Variants in TAFA1 observed in about 807,000 individuals in gnomAD.
The protein encoded by TAFA1 is TAFA chemokine like family member 1.
TAFA1 carries 4 observed loss-of-function variants against 18.5 expected under a neutral mutation model. The observed-to-expected ratio is 0.22, with a 90% CI of 0.11 to 0.49. The LOEUF (loss-of-function observed/expected upper bound fraction) is 0.49. Among genes scored for constraint, TAFA1 ranks in the 20% least tolerant of loss-of-function variants. TAFA1 has a pLI of 0.98. For synonymous variants in TAFA1, 56 were observed against 55.2 expected, an observed-to-expected ratio of 1.01 and a Z score of -0.06; for missense variants, 147 against 169.0, an observed-to-expected ratio of 0.87 and a Z score of 0.72.
chr3:68,456,726 A>T (rs1290262249), intron 3 of TAFA1, among the ~76,000 whole-genome samples: 1 of 152,186 alleles, frequency 6.6e-6, no homozygotes, highest in Non-Finnish European at 1.5e-5. Flanking sequence ...GGTATCTTGC[A>T]AAAAATGCAA....
chr3:68,293,022 G>A (rs889098019), intron 2 of TAFA1, among the ~76,000 whole-genome samples: 1 of 145,504 alleles, frequency 6.9e-6, no homozygotes, highest in African/African-American at 2.6e-5. Context: ...TTTTTAGACT[G>A]TTAGTATAAA....
intron 2 of TAFA1, among the ~76,000 whole-genome samples, chr3:68,417,039 A>G (rs1459037747): frequency 6.6e-6 from 1 of 152,134 alleles, no homozygotes; most frequent in Non-Finnish European, 1.5e-5. Flanking sequence ...GTCAATACCT[A>G]CAGGCCAGAA....
At chr3:68,535,107 G>A (rs2073255808) in intron 3 of TAFA1, among the ~76,000 whole-genome samples, 1 of 152,162 alleles carries the variant, frequency 6.6e-6, no homozygotes, top group Non-Finnish European at 1.5e-5. Context: ...AGAAATGGTA[G>A]TAAATGTAAC....
At chr3:68,070,141 G>A (rs2106746172) in intron 2 of TAFA1, among the ~76,000 whole-genome samples, 1 of 152,322 alleles carries the variant, frequency 6.6e-6, no homozygotes, top group East Asian at 1.9e-4. Context: ...CACTGCATTA[G>A]CAGAGGTTTT....
intron 2 of TAFA1, among the ~76,000 whole-genome samples, chr3:68,123,918 A>C (rs1028788610): frequency 8.7e-5 from 9 of 103,432 alleles, no homozygotes; most frequent in African/African-American, 3.4e-4. Flanking sequence ...AAAAAAAAAA[A>C]AGCTTTCTTT....
At chr3:68,234,826 A>G (rs1027716062) in intron 2 of TAFA1, among the ~76,000 whole-genome samples, 10 of 152,224 alleles carry the variant, frequency 6.6e-5, no homozygotes, top group Non-Finnish European at 1.3e-4. Flanking sequence ...TGAAAATCAC[A>G]TAAAGGCAAA....
At chr3:68,049,826 C>T (rs115639536) in intron 2 of TAFA1, among the ~76,000 whole-genome samples, 1,718 of 151,984 alleles carry the variant, frequency 0.011, 40 homozygotes, top group African/African-American at 0.039. Context: ...ATTTTTTTTC[C>T]ACCCTCAAAT....
At chr3:68,505,258 A>G (rs1035361368) in intron 3 of TAFA1, among the ~76,000 whole-genome samples, 1 of 152,186 alleles carries the variant, frequency 6.6e-6, no homozygotes, top group African/African-American at 2.4e-5. Context: ...GGGAATAGTC[A>G]CATATGATGC....
intron 2 of TAFA1, among the ~76,000 whole-genome samples, chr3:68,404,103 T>C (rs1308608284): frequency 6.6e-6 from 1 of 152,176 alleles, no homozygotes; most frequent in Non-Finnish European, 1.5e-5. Context: ...ATGATGAAAG[T>C]ATTATAGTAC....
intron 2 of TAFA1, among the ~76,000 whole-genome samples, chr3:68,340,448 T>C (rs1707140747): frequency 2.0e-5 from 3 of 152,228 alleles, no homozygotes; most frequent in Admixed American, 6.5e-5. Context: ...AGAAGGCATT[T>C]GAATGGTAGA....
At chr3:68,310,342 TA>T (rs774126931) in intron 2 of TAFA1, among the ~76,000 whole-genome samples, 8 of 152,168 alleles carry the variant, frequency 5.3e-5, no homozygotes, top group Non-Finnish European at 8.8e-5. Context: ...AAGTATACCC[TA>T]AATATTTTTA....
intron 2 of TAFA1, among the ~76,000 whole-genome samples, chr3:68,041,100 A>G (rs1231658994): frequency 1.3e-5 from 2 of 152,236 alleles, no homozygotes; most frequent in Admixed American, 1.3e-4. Context: ...TGCAATTAAT[A>G]TGGCTAATAA....
intron 2 of TAFA1, among the ~76,000 whole-genome samples, chr3:68,327,047 T>C (rs1037318731): frequency 6.6e-6 from 1 of 152,164 alleles, no homozygotes; most frequent in African/African-American, 2.4e-5. Context: ...CCTGTGCTAT[T>C]CTAGTGATAG....
At chr3:68,155,676 T>G (rs1168338814) in intron 2 of TAFA1, among the ~76,000 whole-genome samples, 1 of 152,052 alleles carries the variant, frequency 6.6e-6, no homozygotes, top group Non-Finnish European at 1.5e-5. Flanking sequence ...AATTAACAAA[T>G]CATTCCATCC....
At chr3:68,445,073 G>A (rs1429890364) in intron 3 of TAFA1, among the ~76,000 whole-genome samples, 1 of 151,898 alleles carries the variant, frequency 6.6e-6, no homozygotes, top group Non-Finnish European at 1.5e-5. Context: ...TTCAGTTTTT[G>A]TTATAACCCA....
In TAFA1 at chr3:68,544,662, C is replaced by T. The variant is rs2073428181; in HGVS notation, c.*159C>T. The T allele has an allele frequency of 1.5e-6, 1 of 673,778 alleles. No individual in the cohort carries two copies. Among genetic ancestry groups the T allele is most frequent in the East Asian group, 2.9e-5 (1 of 34,372 alleles). The allele number at this position is 673,778 out of a possible 1,614,324, so 41.7% of individuals were successfully genotyped here. A position where few individuals can be genotyped will look rare whatever the true frequency, so the allele number is the denominator to read the frequency against. ...GCGTTTACTGTGTGTAACGAAATAT[C>T]CTACAGTGAGAAGACACAGCGTTTT... On this transcript the variant is annotated 3_prime_UTR_variant, in exon 5 of 5. Transcript: ENST00000478136.
At chr3:68,265,241 T>G (rs530898525) in intron 2 of TAFA1, among the ~76,000 whole-genome samples, 1 of 152,332 alleles carries the variant, frequency 6.6e-6, no homozygotes, top group African/African-American at 2.4e-5. Flanking sequence ...CCCTCAGCCA[T>G]TAACAGGTGT....
intron 2 of TAFA1, among the ~76,000 whole-genome samples, chr3:68,413,387 A>G (rs910441782): frequency 5.9e-5 from 9 of 152,100 alleles, no homozygotes; most frequent in Non-Finnish European, 1.3e-4. Context: ...TAAAATAAAG[A>G]TTTGTGATGT....
intron 2 of TAFA1, among the ~76,000 whole-genome samples, chr3:68,383,961 G>T (rs971263116): frequency 1.3e-5 from 2 of 151,942 alleles, no homozygotes; most frequent in African/African-American, 4.8e-5. Context: ...TAGTTTATGT[G>T]CATAGAGGTA....
Sources: gnomAD v4.1 joint callset for allele counts (sites outside exome capture counted in the v4.1 genomes callset) on GRCh38, gnomAD v4.1.1 for gene constraint, MANE v1.5 for transcripts, NCBI Gene and HGNC (gene_info 2026-07-23, HGNC 2026-07-21) for gene names.